VPS45: variants seen among roughly 807,000 people sequenced by gnomAD.
VPS45 encodes the protein vacuolar protein sorting 45 homolog.
A neutral mutation model predicts 75.9 loss-of-function variants in VPS45; 35 were observed. That is an observed-to-expected ratio of 0.46 (90% confidence interval 0.35 to 0.61). The LOEUF (loss-of-function observed/expected upper bound fraction) is 0.61. Among genes scored for constraint, VPS45 ranks in the 20% least tolerant of loss-of-function variants. The probability of loss-of-function intolerance (pLI) is 0.00; values close to 1 mark genes in which losing one functional copy is unlikely to be tolerated. For missense variants in VPS45, 559 were observed against 685.9 expected (o/e 0.81, Z 2.07); for synonymous variants, 220 against 238.2 (o/e 0.92, Z 0.70).
At chr1:150,084,000 T>G (rs913204314) in intron 10 of VPS45, among the ~76,000 whole-genome samples, 1 of 152,170 alleles carries the variant, frequency 6.6e-6, no homozygotes, top group African/African-American at 2.4e-5. Flanking sequence ...ATTGTAATAC[T>G]GACTGTAACA....
chr1:150,067,650 T>C (rs1223663023), upstream of VPS45: 2 of 545,482 alleles, frequency 3.7e-6, no homozygotes, highest in Non-Finnish European at 6.5e-6. Flanking sequence ...GCCCAGGCCG[T>C]CTCAGCCGGA....
At chr1:150,106,075 C>G (rs896686725) in intron 13 of VPS45, among the ~76,000 whole-genome samples, 1 of 152,016 alleles carries the variant, frequency 6.6e-6, no homozygotes, top group Non-Finnish European at 1.5e-5. Context: ...GAAATTGGAC[C>G]CCTATCTCTT....
intron 13 of VPS45, chr1:150,099,186 T>C (rs1385619892): frequency 8.1e-6 from 4 of 491,082 alleles, no homozygotes; most frequent in Non-Finnish European, 1.1e-5. Flanking sequence ...CTTAACCACA[T>C]ATAGAAATAA....
intron 12 of VPS45, among the ~76,000 whole-genome samples, chr1:150,092,718 G>T (rs1314242690): frequency 6.6e-6 from 1 of 151,576 alleles, no homozygotes; most frequent in Non-Finnish European, 1.5e-5. Context: ...TATAATTAAA[G>T]ATTTTTTAGG....
intron 14 of VPS45, among the ~76,000 whole-genome samples, chr1:150,129,512 CT>C (rs1184500523): frequency 1.3e-5 from 2 of 151,868 alleles, no homozygotes; most frequent in Admixed American, 1.3e-4. Context: ...TGTTGTCAGC[CT>C]TTTAGATCTT....
intron 2 of VPS45, among the ~76,000 whole-genome samples, chr1:150,069,782 G>A (rs1188520923): frequency 6.6e-6 from 1 of 152,124 alleles, no homozygotes; most frequent in Non-Finnish European, 1.5e-5. Flanking sequence ...TCATATTCAT[G>A]TTCTTCAACT....
intron 3 of VPS45, among the ~76,000 whole-genome samples, chr1:150,075,252 C>T (rs1292763130): frequency 6.6e-6 from 1 of 151,556 alleles, no homozygotes; most frequent in African/African-American, 2.4e-5. Context: ...CCTCCCACCC[C>T]TGCCCCTGCT....
intron 10 of VPS45, among the ~76,000 whole-genome samples, chr1:150,085,096 C>T (rs1655934119): frequency 6.6e-6 from 1 of 151,942 alleles, no homozygotes; most frequent in African/African-American, 2.4e-5. Flanking sequence ...TTAACTTGGC[C>T]TTTAAACAAC....
Position 150,067,848 on chromosome 1 carries a change from A to G in VPS45, c.-10A>G, listed in dbSNP as rs587668483. 3.1e-6 allele frequency: 5 copies of G among 1,613,968 alleles called. No individual in the cohort carries two copies. Among genetic ancestry groups the G allele is most frequent in the South Asian group, 2.2e-5 (2 of 91,064 alleles). Reference sequence around the variant, plus strand: ...GGGAAGGGCTGTAGGGTACTTGTCAATTCGCCGCCATGAACGTGGTTTTTG... The same window carrying G: ...GGGAAGGGCTGTAGGGTACTTGTCAGTTCGCCGCCATGAACGTGGTTTTTG... On this transcript the variant is annotated 5_prime_UTR_variant, in exon 1 of 15. Transcript: ENST00000644510.
intron 3 of VPS45, among the ~76,000 whole-genome samples, chr1:150,074,656 G>A (rs1183666700): frequency 6.6e-6 from 1 of 151,996 alleles, no homozygotes; most frequent in African/African-American, 2.4e-5. Flanking sequence ...CCAAAGTGAT[G>A]GGATTACAGG....
At chr1:150,108,041 G>A (rs2101603380) in intron 13 of VPS45, among the ~76,000 whole-genome samples, 1 of 152,298 alleles carries the variant, frequency 6.6e-6, no homozygotes, top group East Asian at 1.9e-4. Flanking sequence ...GGAAGAGTTA[G>A]GATGAGTCCA....
intron 14 of VPS45, among the ~76,000 whole-genome samples, chr1:150,118,551 G>T (rs9727702): frequency 6.6e-6 from 1 of 151,616 alleles, no homozygotes; most frequent in Admixed American, 6.6e-5. Flanking sequence ...CACTACAGGC[G>T]TGCACCACCA....
intron 10 of VPS45, among the ~76,000 whole-genome samples, chr1:150,083,904 T>C (rs1467024655): frequency 6.6e-6 from 1 of 151,984 alleles, no homozygotes; most frequent in Non-Finnish European, 1.5e-5. Flanking sequence ...GACTCTGGCC[T>C]CAAGAAATGT....
chr1:150,092,837 C>CTTTTTTTTTTTTT (rs11451750), intron 12 of VPS45, among the ~76,000 whole-genome samples: 2 of 94,450 alleles, frequency 2.1e-5, no homozygotes, highest in African/African-American at 4.2e-5. Context: ...GCTAGCCTTT[C>CTTTTTTTTTTTTT]TTTTTTTTTT....
chr1:150,073,796 G>T (rs1553797496), intron 3 of VPS45, among the ~76,000 whole-genome samples: 1 of 151,900 alleles, frequency 6.6e-6, no homozygotes, highest in Non-Finnish European at 1.5e-5. Context: ...TCTCTATAAG[G>T]ATCCCTTTTA....
chr1:150,093,793 G>A (rs781830469), intron 13 of VPS45, 145 bp downstream of exon 13: 27 of 1,020,900 alleles, frequency 2.6e-5, no homozygotes, highest in Non-Finnish European at 3.6e-5. Flanking sequence ...ACATATGTCA[G>A]CATTAGATAT....
chr1:150,134,524 A>G (rs902349280), intron 14 of VPS45, among the ~76,000 whole-genome samples: 1 of 152,168 alleles, frequency 6.6e-6, no homozygotes, highest in Admixed American at 6.5e-5. Flanking sequence ...TTATCTCCCT[A>G]CAGCAGGTAA....
At chr1:150,092,740 T>C (rs1158769181) in intron 12 of VPS45, among the ~76,000 whole-genome samples, 3 of 152,052 alleles carry the variant, frequency 2.0e-5, no homozygotes, top group African/African-American at 4.8e-5. Flanking sequence ...AGTTTCTCTT[T>C]GAAGGAAATT....
At chr1:150,081,509 A>T in intron 8 of VPS45, 33 bp downstream of exon 8, 2 of 1,583,104 alleles carry the variant, frequency 1.3e-6, no homozygotes, top group Non-Finnish European at 1.7e-6. Flanking sequence ...AATTGTCTTT[A>T]GTTGTTTTTA....
Sources: gnomAD v4.1 joint callset for allele counts (sites outside exome capture counted in the v4.1 genomes callset) on GRCh38, gnomAD v4.1.1 for gene constraint, MANE v1.5 for transcripts, NCBI Gene and HGNC (gene_info 2026-07-23, HGNC 2026-07-21) for gene names.